The following ZFP1 variants were observed in gnomAD, a reference collection of about 807,000 sequenced individuals.
ZFP1 encodes ZFP1 zinc finger protein, also known as zinc finger protein 1 homolog.
A neutral mutation model predicts 38.5 loss-of-function variants in ZFP1; 32 were observed. That is an observed-to-expected ratio of 0.83 (90% CI 0.63 to 1.12). ZFP1 has a LOEUF of 1.12. ZFP1 is among the 50% of genes most tolerant of loss of function. The pLI is 0.00. For synonymous variants in ZFP1, 245 were observed against 168.8 expected (o/e 1.45, Z -3.50); for missense variants, 616 against 480.8 (o/e 1.28, Z -2.63).
At chr16:75,123,447 GTGTATA>G in the ZFP1 span, among the ~76,000 whole-genome samples, 2 of 16,442 alleles carry the variant, frequency 1.2e-4, no homozygotes, top group African/African-American at 2.2e-4. Flanking sequence ...GTGTGTGTGT[GTGTATA>G]TGTATATATA....
intron 2 of ZFP1, among the ~76,000 whole-genome samples, chr16:75,162,405 A>G (rs560225162): frequency 1.3e-5 from 2 of 152,254 alleles, no homozygotes; most frequent in South Asian, 2.1e-4. Flanking sequence ...TACAGGCATG[A>G]GCCACTGCGT....
chr16:75,120,610 T>G, the ZFP1 span, among the ~76,000 whole-genome samples: 1 of 151,982 alleles, frequency 6.6e-6, no homozygotes. Context: ...ATTGTTTGTT[T>G]GTTTGTTTTG....
At chr16:75,146,380 G>A (rs1158346535), upstream of ZFP1, among the ~76,000 whole-genome samples, 3 of 152,142 alleles carry the variant, frequency 2.0e-5, no homozygotes, top group East Asian at 1.9e-4. Flanking sequence ...TGTTAGCCAG[G>A]ATGGTCTCGA....
In ZFP1 at chr16:75,170,070, G is replaced by A. The variant is rs769610647; in HGVS notation, c.960G>A (p.Gly320=). Residue 320 remains glycine, a synonymous_variant, in exon 4 of 4, where the codon GGG becomes GGA. Transcript: ENST00000570010. The part of the protein sequence containing the change: ...NLIIHQKIHT[G]EKRYECSECG... ...TCATACATCAGAAGATTCACACGGG[G>A]GAGAAACGCTATGAGTGCAGTGAAT... The A allele has an allele frequency of 2.2e-5, 35 of 1,614,010 alleles. No individual in the cohort carries two copies. The highest frequency in any genetic ancestry group is 3.3e-5 in the Admixed American group (2 of 59,996).
chr16:75,158,648 A>G (rs1010554254), intron 2 of ZFP1, among the ~76,000 whole-genome samples: 66 of 122,652 alleles, frequency 5.4e-4, no homozygotes, highest in African/African-American at 2.2e-3. Flanking sequence ...TTTTTTTTTT[A>G]CAGGCATAGG....
Position 75,170,265 on chromosome 16 carries a change from T to G in ZFP1, c.1155T>G (p.Cys385Trp). ...TGEKPYECSE[C>W]GKAFSRKSRL... The stretch of plus-strand genomic sequence containing the variant: ...AGAAACCATATGAGTGTTCCGAATG[T>G]GGGAAGGCCTTTAGCAGGAAGTCCC... The change falls in exon 4 of 4, where the codon TGT becomes TGG. Residue 385 changes from cysteine (C) to tryptophan (W), a missense_variant. Cys to Trp is a radical substitution (Grantham distance 215). Transcript: ENST00000570010. 1 of 1,613,262 alleles carries G rather than the reference T, an allele frequency of 6.2e-7. No individual in the cohort carries two copies.
intron 2 of ZFP1, among the ~76,000 whole-genome samples, chr16:75,160,247 T>G (rs932178791): frequency 1.3e-5 from 2 of 152,130 alleles, no homozygotes; most frequent in Non-Finnish European, 2.9e-5. Context: ...GAAGTTTATT[T>G]TCTTGGCTGG....
At chr16:75,127,161 T>C in the ZFP1 span, among the ~76,000 whole-genome samples, 1 of 152,262 alleles carries the variant, frequency 6.6e-6, no homozygotes, top group African/African-American at 2.4e-5. Flanking sequence ...CGTCTTGTTT[T>C]GGTCCTCTTT....
At chr16:75,161,673 G>T (rs1018274225) in intron 2 of ZFP1, among the ~76,000 whole-genome samples, 1 of 137,778 alleles carries the variant, frequency 7.3e-6, no homozygotes, top group African/African-American at 2.8e-5. Flanking sequence ...AATTTCCTTC[G>T]AATTTTTTTC....
Position 75,171,134 on chromosome 16 carries a change from T to G in ZFP1, c.*800T>G, listed in dbSNP as rs984587813. ...GTAAAGACAATATCCCCATTCGTCA[T>G]GCTCTTATTTTCCCGTGGGATATTT... On this transcript the variant is annotated 3_prime_UTR_variant, in exon 4 of 4. Coordinates refer to ENST00000570010, the MANE Select transcript of ZFP1 (RefSeq NM_153688.4). The G allele has an allele frequency of 3.9e-5, 6 of 152,236 alleles. No individual in the cohort carries two copies. Among genetic ancestry groups the G allele is most frequent in the Non-Finnish European group, 8.8e-5 (6 of 68,042 alleles). 9.4% of individuals were successfully genotyped at this position (152,236 alleles called of 1,614,324 possible). A position where few individuals can be genotyped will look rare whatever the true frequency, so the allele number is the denominator to read the frequency against.
chr16:75,154,472 A>G lies in ZFP1; in HGVS notation c.15+1506A>G, dbSNP rs113041719. Reference sequence around the variant, plus strand: ...GGATAAATACCAAGGCCCCTGGATCATACACTAAGAATATAATTAATTTTG... The same window carrying G: ...GGATAAATACCAAGGCCCCTGGATCGTACACTAAGAATATAATTAATTTTG... On this transcript the variant is annotated intron_variant, in intron 2 of 3. Coordinates refer to ENST00000570010, the MANE Select transcript of ZFP1 (RefSeq NM_153688.4). Among the ~76,000 whole-genome samples, 543 of 152,202 alleles carry G rather than the reference A, an allele frequency of 3.6e-3. 7 individuals carry two copies. The highest frequency in any genetic ancestry group is 2.6e-3 in the Non-Finnish European group (176 of 68,026).
At chr16:75,167,161 T>TCGGG (rs2038134909) in intron 3 of ZFP1, among the ~76,000 whole-genome samples, 2 of 152,206 alleles carry the variant, frequency 1.3e-5, no homozygotes, top group Non-Finnish European at 2.9e-5. Context: ...CAGAAGAGTT[T>TCGGG]TGGGTAGCAT....
At chr16:75,136,113 G>T in the ZFP1 span, among the ~76,000 whole-genome samples, 1 of 152,224 alleles carries the variant, frequency 6.6e-6, no homozygotes. Context: ...ACCACGCCCA[G>T]CTAAGGCAAA....
chr16:75,161,775 T>TATATATATATATTTTA lies in ZFP1; in HGVS notation c.16-4995_16-4994insATATATATATATTTTA, dbSNP rs59261786. ...TTTATGAAATATATATATATATATA[T>TATATATATATATTTTA]TTTTTTTTTTTTTTTTTTTTTTTTT... On this transcript the variant is annotated intron_variant, in intron 2 of 3. Coordinates refer to ENST00000570010, the MANE Select transcript of ZFP1 (RefSeq NM_153688.4). Among the ~76,000 whole-genome samples, 3 of 6,256 alleles carry TATATATATATATTTTA rather than the reference T, an allele frequency of 4.8e-4. 1 individual carries two copies. The highest frequency in any genetic ancestry group is 1.5e-3 in the African/African-American group (3 of 1,992). 4.1% of individuals were successfully genotyped at this position (6,256 alleles called of 152,430 possible). A position where few individuals can be genotyped will look rare whatever the true frequency, so the allele number is the denominator to read the frequency against.
intron 2 of ZFP1, among the ~76,000 whole-genome samples, chr16:75,160,133 T>C (rs1448658118): frequency 6.6e-6 from 1 of 152,226 alleles, no homozygotes. Context: ...TTATGCAGAA[T>C]GTTAAGGCTT....
chr16:75,133,779 T>C, the ZFP1 span, among the ~76,000 whole-genome samples: 1 of 152,222 alleles, frequency 6.6e-6, no homozygotes, highest in African/African-American at 2.4e-5. Flanking sequence ...CCAGGCATGG[T>C]AACTCACGCC....
At chr16:75,138,611 T>C in the ZFP1 span, among the ~76,000 whole-genome samples, 1 of 152,222 alleles carries the variant, frequency 6.6e-6, no homozygotes, top group Admixed American at 6.5e-5. Flanking sequence ...GAGGTCACAC[T>C]GGAGTAGAGT....
At chr16:75,140,347 C>CAGGA in the ZFP1 span, among the ~76,000 whole-genome samples, 1 of 151,462 alleles carries the variant, frequency 6.6e-6, no homozygotes, top group Admixed American at 6.6e-5. Flanking sequence ...GACAGGAGGA[C>CAGGA]CACTTGAGCT....
At chr16:75,164,092 T>C (rs931938648) in intron 2 of ZFP1, among the ~76,000 whole-genome samples, 1 of 152,212 alleles carries the variant, frequency 6.6e-6, no homozygotes, top group Non-Finnish European at 1.5e-5. Context: ...GAATTCTGTT[T>C]ATTGATGTTC....
Sources: gnomAD v4.1 joint callset for allele counts (sites outside exome capture counted in the v4.1 genomes callset) on GRCh38, gnomAD v4.1.1 for gene constraint, MANE v1.5 for transcripts, NCBI Gene and HGNC (gene_info 2026-07-23, HGNC 2026-07-21) for gene names.